GPLD1: variants seen among roughly 807,000 people sequenced by gnomAD.
The protein encoded by GPLD1 is phosphatidylinositol-glycan-specific phospholipase D.
GPLD1 carries 84 observed loss-of-function variants against 112.6 expected under a neutral mutation model. The observed-to-expected ratio is 0.75, with a 90% CI of 0.63 to 0.89. GPLD1 has a LOEUF of 0.89. Ranked by LOEUF, GPLD1 falls within the 40% of genes least tolerant of loss-of-function variation. GPLD1 has a pLI of 0.00. For missense variants in GPLD1, 1,044 were observed against 1,051.5 expected, an observed-to-expected ratio of 0.99 and a Z score of 0.10; for synonymous variants, 386 against 403.8, an observed-to-expected ratio of 0.96 and a Z score of 0.53.
chr6:24,468,095 G>GTT (rs1763677747), intron 7 of GPLD1, among the ~76,000 whole-genome samples: 1 of 151,858 alleles, frequency 6.6e-6, no homozygotes, highest in Non-Finnish European at 1.5e-5. Flanking sequence ...TGGTAGACAT[G>GTT]GGGTTTCTCC....
intron 22 of GPLD1, among the ~76,000 whole-genome samples, chr6:24,433,778 A>G (rs1762484264): frequency 6.6e-6 from 1 of 151,972 alleles, no homozygotes; most frequent in African/African-American, 2.4e-5. Context: ...TACAGGCATG[A>G]GCCACCACGC....
intron 10 of GPLD1, 81 bp from the exon 11 acceptor site, chr6:24,462,876 C>A: frequency 1.9e-5 from 19 of 981,006 alleles, no homozygotes; most frequent in Non-Finnish European, 3.1e-5. Context: ...TAGTGCGCTT[C>A]AATCATCTCC....
chr6:24,447,186 C>G lies in GPLD1; in HGVS notation c.1679-207G>C, dbSNP rs565239679. On this transcript the variant is annotated intron_variant, in intron 17 of 24. Transcript: ENST00000230036. ...ACAAGAAATACATTTCTAGAGCTCA[C>G]TTCTGTGGAGCAGAGGATGCTATTT... is the stretch of plus-strand genomic sequence containing the variant. 2.0e-5 allele frequency among the ~76,000 whole-genome samples: 3 copies of G among 152,268 alleles called. No homozygotes were observed. In the East Asian group the frequency reaches 5.8e-4, roughly 29 times the overall value.
chr6:24,494,363 G>C (rs1017261040), upstream of GPLD1, among the ~76,000 whole-genome samples: 1 of 152,134 alleles, frequency 6.6e-6, no homozygotes, highest in Non-Finnish European at 1.5e-5. Context: ...TATTTCCAAA[G>C]CGCTGTTATT....
intron 15 of GPLD1, 150 bp from the exon 16 acceptor site, chr6:24,448,358 T>C (rs1369070402): frequency 1.4e-4 from 52 of 373,086 alleles, no homozygotes; most frequent in East Asian, 3.7e-4. Context: ...AGTGGGAACA[T>C]TGCTTGAGGC....
At chr6:24,478,748 T>C (rs1053656594) in intron 3 of GPLD1, among the ~76,000 whole-genome samples, 11 of 126,788 alleles carry the variant, frequency 8.7e-5, no homozygotes, top group African/African-American at 3.6e-4. Context: ...CAAGTGGTCC[T>C]CTTCATGCAG....
intron 20 of GPLD1, among the ~76,000 whole-genome samples, chr6:24,441,824 G>A (rs1762754458): frequency 6.6e-6 from 1 of 152,042 alleles, no homozygotes; most frequent in Non-Finnish European, 1.5e-5. Flanking sequence ...ATTTTTATTT[G>A]GAACTGGGCC....
intron 3 of GPLD1, among the ~76,000 whole-genome samples, chr6:24,478,925 T>C (rs879774094): frequency 2.0e-5 from 3 of 152,274 alleles, no homozygotes; most frequent in African/African-American, 4.8e-5. Context: ...CTGATACGAC[T>C]CATGAGACAA....
chr6:24,456,680 T>C, intron 12 of GPLD1, 43 bp from the exon 13 acceptor site: 1 of 1,398,074 alleles, frequency 7.2e-7, no homozygotes, highest in Admixed American at 2.0e-5. Flanking sequence ...ACACGTAGCA[T>C]AATCAACAAA....
At chr6:24,436,796 T>C in intron 21 of GPLD1, 60 bp from the exon 22 acceptor site, 3 of 1,547,304 alleles carry the variant, frequency 1.9e-6, no homozygotes, top group Non-Finnish European at 2.7e-6. Flanking sequence ...ATCTTTTCCT[T>C]GTTCCGCTAC....
Position 24,445,572 on chromosome 6 carries a change from A to G in GPLD1, c.1994T>C (p.Val665Ala). 1 of 1,613,842 alleles carries G rather than the reference A, an allele frequency of 6.2e-7. No homozygotes were observed. Among genetic ancestry groups the G allele is most frequent in the East Asian group, 2.2e-5 (1 of 44,886 alleles). ...HVLMNGTLKQVLLVGAPTYDD... is the reference protein window; with the variant it reads ...HVLMNGTLKQALLVGAPTYDD... ...GTACGTAGGGGCTCCAACCAGCAGC[A>G]CTTGTTTCAGAGTCCCATTCATCAG... The change falls in exon 20 of 25, where the codon GTG becomes GCG. Residue 665 changes from valine to alanine, a missense_variant. Physicochemically the swap from Val to Ala is moderately conservative, Grantham distance 64. Coordinates refer to ENST00000230036, the MANE Select transcript of GPLD1 (RefSeq NM_001503.4).
chr6:24,492,536 A>G (rs997975834), upstream of GPLD1, among the ~76,000 whole-genome samples: 3 of 151,464 alleles, frequency 2.0e-5, no homozygotes, highest in Non-Finnish European at 4.4e-5. Flanking sequence ...AAGTGAAAGA[A>G]AAAAAAGAAA....
chr6:24,441,423 A>G (rs745983043), intron 20 of GPLD1, among the ~76,000 whole-genome samples: 2 of 152,168 alleles, frequency 1.3e-5, no homozygotes, highest in Non-Finnish European at 2.9e-5. Context: ...GATGCTGTAG[A>G]TATTTTGACA....
chr6:24,430,643 C>T (rs1007887863), intron 24 of GPLD1, among the ~76,000 whole-genome samples: 32 of 152,148 alleles, frequency 2.1e-4, no homozygotes, highest in South Asian at 2.1e-4. Context: ...TAGTTTGTTA[C>T]GACTAATTTC....
rs1423072021 is a variant in GPLD1, at chr6:24,425,913, AGTTGCAC to A, written c.*3112_*3118del. ...TTATTTTTTGGAATTGCAATATTAAAGTTGCACGTTGGATTTAACTCTCATGACTTTA... is the reference window on the plus strand; with the variant it reads ...TTATTTTTTGGAATTGCAATATTAAAGTTGGATTTAACTCTCATGACTTTA... On this transcript the variant is annotated 3_prime_UTR_variant, in exon 25 of 25. Transcript: ENST00000230036. 1 of 152,210 alleles carries A rather than the reference AGTTGCAC, an allele frequency of 6.6e-6. No homozygotes were observed. Among genetic ancestry groups the A allele is most frequent in the East Asian group, 1.9e-4 (1 of 5,206 alleles). The allele number at this position is 152,210 out of a possible 1,614,324, so 9.4% of individuals were successfully genotyped here.
At position 24,494,872 on chromosome 6, in the gene GPLD1, C is replaced by G. The variant is rs1361704600; in HGVS notation, n.239+95G>C. 7 of 1,110,100 alleles carry G rather than the reference C, an allele frequency of 6.3e-6. No individual in the cohort carries two copies. The African/African-American group carries it at 6.5e-5, about 10-fold the overall frequency. 68.8% of individuals were successfully genotyped at this position (1,110,100 alleles called of 1,614,324 possible). On this transcript the variant is annotated intron_variant and non_coding_transcript_variant, in intron 1 of 10. Transcript: ENST00000474784. ...TGCTCTGTGGCTCTGCAACCTTCCGCCAGCTCCCACGCTTTCCCCGCGCGT... is the reference window on the plus strand; with the variant it reads ...TGCTCTGTGGCTCTGCAACCTTCCGGCAGCTCCCACGCTTTCCCCGCGCGT...
upstream of GPLD1, among the ~76,000 whole-genome samples, chr6:24,490,878 C>A (rs186043012): frequency 6.6e-6 from 1 of 152,298 alleles, no homozygotes; most frequent in African/African-American, 2.4e-5. Context: ...CCCGCAGCTA[C>A]CCCCAGACCT....
intron 1 of GPLD1, among the ~76,000 whole-genome samples, chr6:24,488,734 A>G (rs1217833382): frequency 6.6e-6 from 1 of 152,160 alleles, no homozygotes; most frequent in Non-Finnish European, 1.5e-5. Flanking sequence ...AATTTTTGTC[A>G]ATTATACATC....
At chr6:24,470,321 G>A (rs1041917441) in intron 7 of GPLD1, among the ~76,000 whole-genome samples, 2 of 152,128 alleles carry the variant, frequency 1.3e-5, no homozygotes, top group Non-Finnish European at 2.9e-5. Flanking sequence ...TATTATTAGA[G>A]ATAAAGAGGG....
Sources: allele counts gnomAD v4.1 joint callset (sites outside exome capture counted in the v4.1 genomes callset), GRCh38; gene constraint gnomAD v4.1.1; transcripts MANE v1.5; gene names NCBI Gene and HGNC (gene_info 2026-07-23, HGNC 2026-07-21).